The following GNA12 variants were observed in gnomAD, a reference collection of about 807,000 sequenced individuals.
GNA12 encodes the protein G protein subunit alpha 12.
In GNA12, 9 loss-of-function variants were observed where a neutral mutation model predicts 26.0. That is an observed-to-expected ratio of 0.35 (90% CI 0.21 to 0.60). GNA12 has a LOEUF of 0.60. Ranked by LOEUF, GNA12 falls within the 20% of genes least tolerant of loss-of-function variation. GNA12 has a pLI of 0.78. For missense variants in GNA12, 405 were observed against 525.8 expected, an observed-to-expected ratio of 0.77 and a Z score of 2.25; for synonymous variants, 264 against 219.6, an observed-to-expected ratio of 1.20 and a Z score of -1.79.
rs200461531 is a variant in GNA12, at chr7:2,798,126, TG to T, written c.310-2984del. 7.9e-3 allele frequency among the ~76,000 whole-genome samples: 1,202 copies of T among 152,264 alleles called. 50 individuals are homozygous for T. The highest frequency in any genetic ancestry group is 0.068 in the Admixed American group (1,043 of 15,278). On this transcript the variant is annotated intron_variant, in intron 1 of 3. Transcript: ENST00000275364. Reference sequence around the variant, plus strand: ...CTGCTACTGCTATTCAACATGGTTCTGGAAGTTCTAGCCAGTGCGACAAGGT... The same window carrying T: ...CTGCTACTGCTATTCAACATGGTTCTGAAGTTCTAGCCAGTGCGACAAGGT...
intron 2 of GNA12, among the ~76,000 whole-genome samples, chr7:2,775,952 G>T (rs1196496823): frequency 6.6e-6 from 1 of 152,264 alleles, no homozygotes; most frequent in Non-Finnish European, 1.5e-5. Context: ...CTGCCAGCTG[G>T]AGAGACAGAA....
At chr7:2,776,660 T>C (rs1225986148) in intron 2 of GNA12, among the ~76,000 whole-genome samples, 3 of 152,218 alleles carry the variant, frequency 2.0e-5, no homozygotes, top group African/African-American at 7.2e-5. Flanking sequence ...TACACATTTT[T>C]CTTCCTTCCT....
At chr7:2,789,952 C>G (rs994348114) in intron 2 of GNA12, among the ~76,000 whole-genome samples, 3 of 152,238 alleles carry the variant, frequency 2.0e-5, no homozygotes, top group African/African-American at 7.2e-5. Flanking sequence ...CAAAGCGCCT[C>G]TGGTTAAGCC....
At chr7:2,843,353 G>A (rs1779058502) in intron 1 of GNA12, among the ~76,000 whole-genome samples, 1 of 152,060 alleles carries the variant, frequency 6.6e-6, no homozygotes, top group African/African-American at 2.4e-5. Context: ...CCTAGAGAGG[G>A]CAGAGGCAGA....
At chr7:2,749,499 C>T (rs374952232) in intron 2 of GNA12, among the ~76,000 whole-genome samples, 22 of 99,944 alleles carry the variant, frequency 2.2e-4, no homozygotes, top group African/African-American at 6.8e-4. Flanking sequence ...CATCACACAC[C>T]GGGGACTATT....
intron 1 of GNA12, among the ~76,000 whole-genome samples, chr7:2,801,240 T>C (rs2115466873): frequency 6.6e-6 from 1 of 152,282 alleles, no homozygotes; most frequent in East Asian, 1.9e-4. Flanking sequence ...CCACCAGGTA[T>C]CTATTCAGGT....
At chr7:2,800,743 G>C (rs1384995547) in intron 1 of GNA12, among the ~76,000 whole-genome samples, 2 of 152,134 alleles carry the variant, frequency 1.3e-5, no homozygotes, top group Non-Finnish European at 2.9e-5. Context: ...CGAAGGGTGG[G>C]TTCATCTGAG....
At chr7:2,836,070 T>C (rs1199558855) in intron 1 of GNA12, 2 of 253,032 alleles carry the variant, frequency 7.9e-6, no homozygotes, top group African/African-American at 2.4e-5. Flanking sequence ...AACTTGATTA[T>C]TGTTTAAGAA....
chr7:2,746,732 T>C (rs1158970632), intron 2 of GNA12, among the ~76,000 whole-genome samples: 3 of 152,180 alleles, frequency 2.0e-5, no homozygotes, highest in Non-Finnish European at 4.4e-5. Context: ...ATCCAGGAGC[T>C]GGTTTTTTGA....
chr7:2,836,212 T>C (rs1414292710), intron 1 of GNA12, among the ~76,000 whole-genome samples: 3 of 152,186 alleles, frequency 2.0e-5, no homozygotes, highest in African/African-American at 4.8e-5. Context: ...AGAAATCCTA[T>C]GTGCAAATTC....
At chr7:2,827,137 G>C (rs575048185) in intron 1 of GNA12, among the ~76,000 whole-genome samples, 2 of 152,130 alleles carry the variant, frequency 1.3e-5, no homozygotes, top group African/African-American at 4.8e-5. Flanking sequence ...AGACACAAAA[G>C]GTCACATATT....
At chr7:2,739,094 T>A (rs798516) in intron 2 of GNA12, among the ~76,000 whole-genome samples, 50 of 152,174 alleles carry the variant, frequency 3.3e-4, no homozygotes, top group African/African-American at 1.0e-3. Context: ...GTGTGCAGGG[T>A]TGCTGTCACA....
At chr7:2,735,875 C>G (rs531235004) in intron 2 of GNA12, among the ~76,000 whole-genome samples, 1 of 152,200 alleles carries the variant, frequency 6.6e-6, no homozygotes, top group East Asian at 1.9e-4. Flanking sequence ...GCCACAAGCT[C>G]TCTAATGGGG....
chr7:2,759,071 C>T lies in GNA12; in HGVS notation c.526-25570G>A, dbSNP rs187047299. Among the ~76,000 whole-genome samples the T allele has an allele frequency of 4.3e-3, 648 of 151,262 alleles. 7 individuals carry two copies. Among genetic ancestry groups the T allele is most frequent in the African/African-American group, 0.015 (611 of 41,164 alleles). ...AGGAGAATCACTTGAACCCAGGGGGCGGAGGTTGCAATGAGCCGAGATTAC... is the reference window on the plus strand; with the variant it reads ...AGGAGAATCACTTGAACCCAGGGGGTGGAGGTTGCAATGAGCCGAGATTAC... On this transcript the variant is annotated intron_variant, in intron 2 of 3. Coordinates refer to ENST00000275364, the MANE Select transcript of GNA12 (RefSeq NM_007353.3).
At chr7:2,799,072 T>C (rs1792746555) in intron 1 of GNA12, among the ~76,000 whole-genome samples, 1 of 152,132 alleles carries the variant, frequency 6.6e-6, no homozygotes, top group African/African-American at 2.4e-5. Flanking sequence ...GGATGTAGGG[T>C]GTGCTCAAAG....
At chr7:2,788,374 C>G (rs886673132) in intron 2 of GNA12, among the ~76,000 whole-genome samples, 1 of 152,100 alleles carries the variant, frequency 6.6e-6, no homozygotes, top group East Asian at 1.9e-4. Flanking sequence ...TTGGACGGCA[C>G]GTCTAGGAAG....
At chr7:2,810,394 C>T (rs968371531) in intron 1 of GNA12, among the ~76,000 whole-genome samples, 4 of 152,130 alleles carry the variant, frequency 2.6e-5, no homozygotes, top group Admixed American at 6.6e-5. Context: ...AACACCAGCA[C>T]CTTAAGGGTT....
chr7:2,840,897 A>T (rs1443717686), intron 1 of GNA12, among the ~76,000 whole-genome samples: 1 of 152,032 alleles, frequency 6.6e-6, no homozygotes, highest in South Asian at 2.1e-4. Flanking sequence ...TCTCAAAGTG[A>T]TCTGTTCGAA....
chr7:2,759,459 G>A (rs987537250), intron 2 of GNA12, among the ~76,000 whole-genome samples: 1 of 152,194 alleles, frequency 6.6e-6, no homozygotes, highest in African/African-American at 2.4e-5. Flanking sequence ...AGACAAAGTG[G>A]TTAAATAACA....
Sources: gnomAD v4.1 joint callset for allele counts (sites outside exome capture counted in the v4.1 genomes callset) on GRCh38, gnomAD v4.1.1 for gene constraint, MANE v1.5 for transcripts, NCBI Gene and HGNC (gene_info 2026-07-23, HGNC 2026-07-21) for gene names.